The following TNRC18 variants were observed in gnomAD, a reference collection of about 807,000 sequenced individuals.
The protein encoded by TNRC18 is trinucleotide repeat containing 18, also known as trinucleotide repeat-containing gene 18 protein.
In TNRC18, 69 loss-of-function variants were observed where a neutral mutation model predicts 226.7. The observed-to-expected ratio is 0.30, with a 90% CI of 0.25 to 0.37. The LOEUF (loss-of-function observed/expected upper bound fraction) is 0.37. TNRC18 is among the 10% of genes least tolerant of loss of function. The pLI, the probability that TNRC18 is intolerant of heterozygous loss-of-function variation, is 1.00. For missense variants in TNRC18, 4,754 were observed against 4,256.6 expected, an observed-to-expected ratio of 1.12 and a Z score of -3.25; for synonymous variants, 2,449 against 1,927.6, an observed-to-expected ratio of 1.27 and a Z score of -7.09.
rs535243978 is a variant in TNRC18, at chr7:5,390,248, C to G, written c.487+237G>C. Reference sequence around the variant, plus strand: ...GCTGTGGTGGGGTGTGTCTGCAGTCCCAGCTACTTGGGGGGCTGAGTCAGG... The same window carrying G: ...GCTGTGGTGGGGTGTGTCTGCAGTCGCAGCTACTTGGGGGGCTGAGTCAGG... On this transcript the variant is annotated intron_variant, in intron 4 of 29. Transcript: ENST00000430969. The G allele has an allele frequency of 7.0e-4, 388 of 552,384 alleles. 2 individuals are homozygous for G. In the African/African-American group the frequency reaches 7.1e-3, roughly 10 times the overall value. 34.2% of individuals were successfully genotyped at this position (552,384 alleles called of 1,614,324 possible).
Position 5,314,894 on chromosome 7 carries a change from G to A in TNRC18, c.7027+90C>T, listed in dbSNP as rs566320647. The stretch of plus-strand genomic sequence containing the variant: ...GGCTCAGAGTTCTTACAGACAGCAG[G>A]CAGGCACTTCGGCAGGTTCCCAAGC... On this transcript the variant is annotated intron_variant, in intron 26 of 29. Coordinates refer to ENST00000430969, the MANE Select transcript of TNRC18 (RefSeq NM_001080495.3). 269 of 1,374,528 alleles carry A rather than the reference G, an allele frequency of 2.0e-4. 1 individual carries two copies. The Middle Eastern group carries it at 2.4e-3, about 12-fold the overall frequency. The allele number at this position is 1,374,528 out of a possible 1,614,324, so 85.1% of individuals were successfully genotyped here. A position where few individuals can be genotyped will look rare whatever the true frequency, so the allele number is the denominator to read the frequency against.
intron 16 of TNRC18, 66 bp downstream of exon 16, chr7:5,356,850 T>TGGAGAGAAGA: frequency 7.4e-7 from 1 of 1,355,388 alleles, no homozygotes; most frequent in Non-Finnish European, 9.6e-7. Context: ...AGGAGGACGG[T>TGGAGAGAAGA]GGAGAGAAGA....
In TNRC18 at chr7:5,377,337, A is replaced by G; in HGVS notation, c.2461+34T>C. ...ACCCGCCCCCTCCCACCCCTCCCTCAGAGAAGGGGAGAGACCCTGTGCCCC... is the reference window on the plus strand; with the variant it reads ...ACCCGCCCCCTCCCACCCCTCCCTCGGAGAAGGGGAGAGACCCTGTGCCCC... On this transcript the variant is annotated intron_variant, in intron 7 of 29. Coordinates refer to ENST00000430969, the MANE Select transcript of TNRC18 (RefSeq NM_001080495.3). The surrounding 1 kb of genome is among the most constrained non-coding windows in gnomAD (Gnocchi z 5.8). The G allele has an allele frequency of 1.4e-6, 1 of 723,880 alleles. No individual in the cohort carries two copies. The highest frequency in any genetic ancestry group is 2.1e-6 in the Non-Finnish European group (1 of 483,988). 44.8% of individuals were successfully genotyped at this position (723,880 alleles called of 1,614,324 possible). A position where few individuals can be genotyped will look rare whatever the true frequency, so the allele number is the denominator to read the frequency against.
At chr7:5,322,104 C>T (rs142134104) in intron 21 of TNRC18, among the ~76,000 whole-genome samples, 9 of 152,076 alleles carry the variant, frequency 5.9e-5, no homozygotes, top group African/African-American at 1.9e-4. Flanking sequence ...ATGGTGAAAC[C>T]CTGTCTCTAC....
In TNRC18 at chr7:5,361,101, T is replaced by C. The variant is rs182402245; in HGVS notation, c.4661+493A>G. Among the ~76,000 whole-genome samples, 74 of 152,176 alleles carry C rather than the reference T, an allele frequency of 4.9e-4. 2 individuals carry two copies. Among genetic ancestry groups the C allele is most frequent in the African/African-American group, 1.8e-3 (73 of 41,508 alleles). On this transcript the variant is annotated intron_variant, in intron 14 of 29. Coordinates refer to ENST00000430969, the MANE Select transcript of TNRC18 (RefSeq NM_001080495.3). Reference sequence around the variant, plus strand: ...TGGCGTTCAGAAAGACCCACACAGGTGCCCCACAAGGCTGCGACCGCCGCC... The same window carrying C: ...TGGCGTTCAGAAAGACCCACACAGGCGCCCCACAAGGCTGCGACCGCCGCC...
Position 5,388,617 on chromosome 7 carries a change from CG to C in TNRC18, c.1206del (p.Glu403ArgfsTer187). 1 of 1,287,472 alleles carries C rather than the reference CG, an allele frequency of 7.8e-7. No homozygotes were observed. Among genetic ancestry groups the C allele is most frequent in the South Asian group, 1.9e-5 (1 of 51,782 alleles). The allele number at this position is 1,287,472 out of a possible 1,614,324, so 79.8% of individuals were successfully genotyped here. A position where few individuals can be genotyped will look rare whatever the true frequency, so the allele number is the denominator to read the frequency against. On this transcript the variant is annotated frameshift_variant, in exon 5 of 30. Transcript: ENST00000430969. LOFTEE classifies it high-confidence loss of function. Reference protein sequence around the residue: ...SQARDARAREREAGRPGVLQA... With the variant: ...SQARDARAREXEAGRPGVLQA... ...TGCAGGACCCCTGGCCTGCCAGCCTCGCGCTCGCGGGCCCGGGCATCGCGCG... is the reference window on the plus strand; with the variant it reads ...TGCAGGACCCCTGGCCTGCCAGCCTCCGCTCGCGGGCCCGGGCATCGCGCG...
Position 5,387,850 on chromosome 7 carries a change from G to A in TNRC18, c.1974C>T (p.Pro658=), listed in dbSNP as rs768841464. ...GRQLKRDPER[P]ESAKAFGREG... is the part of the protein sequence containing the mutation. ...CGCGCCCGAAAGCTTTGGCGCTCTC[G>A]GGCCTCTCGGGGTCCCGCTTCAGCT... Residue 658 remains proline, a synonymous_variant, in exon 5 of 30, where the codon CCC becomes CCT. Coordinates refer to ENST00000430969, the MANE Select transcript of TNRC18 (RefSeq NM_001080495.3). 86 of 1,601,078 alleles carry A rather than the reference G, an allele frequency of 5.4e-5. No homozygotes were observed. Among genetic ancestry groups the A allele is most frequent in the Non-Finnish European group, 6.4e-5 (75 of 1,176,974 alleles).
intron 15 of TNRC18, among the ~76,000 whole-genome samples, chr7:5,358,827 CAAA>C (rs879538563): frequency 6.8e-6 from 1 of 147,738 alleles, no homozygotes; most frequent in Non-Finnish European, 1.5e-5. Flanking sequence ...AACAAACAAA[CAAA>C]AAAAAACTAC....
intron 5 of TNRC18, among the ~76,000 whole-genome samples, chr7:5,379,779 C>T (rs747297320): frequency 2.6e-5 from 4 of 152,250 alleles, no homozygotes; most frequent in African/African-American, 4.8e-5. Flanking sequence ...AAAACCTGCC[C>T]GTCGGCTCCC....
At chr7:5,379,069 C>T (rs987687450) in intron 5 of TNRC18, among the ~76,000 whole-genome samples, 4 of 152,002 alleles carry the variant, frequency 2.6e-5, no homozygotes, top group South Asian at 2.1e-4. Context: ...TGGTGGTGCG[C>T]ACCTGTGATC....
At chr7:5,352,480 A>G (rs928074426) in intron 16 of TNRC18, among the ~76,000 whole-genome samples, 1 of 152,218 alleles carries the variant, frequency 6.6e-6, no homozygotes, top group Non-Finnish European at 1.5e-5. Context: ...CAAGGGTGAC[A>G]ACCGCAGAGG....
intron 21 of TNRC18, among the ~76,000 whole-genome samples, chr7:5,322,812 G>A (rs540773579): frequency 4.0e-4 from 61 of 152,332 alleles, no homozygotes; most frequent in African/African-American, 1.4e-3. Context: ...GGAGAGGGAT[G>A]GGTGGGACGG....
At chr7:5,348,632 A>C (rs1376461342) in intron 17 of TNRC18, among the ~76,000 whole-genome samples, 3 of 133,808 alleles carry the variant, frequency 2.2e-5, no homozygotes, top group Non-Finnish European at 4.8e-5. Flanking sequence ...GAGTCTGAGG[A>C]GTCCGCAGAG....
At chr7:5,367,858 A>C (rs1336987463) in intron 11 of TNRC18, among the ~76,000 whole-genome samples, 1 of 152,116 alleles carries the variant, frequency 6.6e-6, no homozygotes, top group African/African-American at 2.4e-5. Flanking sequence ...CGTTGCTCAC[A>C]CAGGCCAATG....
At chr7:5,354,241 T>A (rs1792120645) in intron 16 of TNRC18, among the ~76,000 whole-genome samples, 1 of 151,838 alleles carries the variant, frequency 6.6e-6, no homozygotes, top group African/African-American at 2.4e-5. Context: ...AATAAATAAA[T>A]AAAACGGACA....
intron 11 of TNRC18, among the ~76,000 whole-genome samples, chr7:5,364,679 C>T (rs1195058109): frequency 1.3e-5 from 2 of 151,896 alleles, no homozygotes. Flanking sequence ...TGGTGACCAC[C>T]TGTAATCCCA....
intron 2 of TNRC18, among the ~76,000 whole-genome samples, chr7:5,409,004 C>T (rs1396109354): frequency 6.6e-6 from 1 of 152,104 alleles, no homozygotes; most frequent in African/African-American, 2.4e-5. Context: ...GGGACAGGAA[C>T]AGCCTGGCTT....
At chr7:5,323,955 G>A (rs1256210302) in intron 21 of TNRC18, among the ~76,000 whole-genome samples, 2 of 152,154 alleles carry the variant, frequency 1.3e-5, no homozygotes, top group African/African-American at 2.4e-5. Context: ...GGGCCAACAC[G>A]GAACTCCTTC....
chr7:5,321,108 G>A lies in TNRC18; in HGVS notation c.6525C>T (p.Tyr2175=), dbSNP rs376820624. ...VLIPMDDKLL[Y]AGHVQTVHSP... ...AGTGCACGGTCTGCACGTGCCCGGC[G>A]TACAGCAGCTTGTCATCCATGGGGA... Residue 2175 remains tyrosine, a synonymous_variant, in exon 22 of 30, where the codon TAC becomes TAT. Transcript: ENST00000430969. 3.8e-4 allele frequency: 594 copies of A among 1,554,654 alleles called. 3 individuals are homozygous for A. The highest frequency in any genetic ancestry group is 2.2e-4 in the Middle Eastern group (1 of 4,578).
Sources: allele counts gnomAD v4.1 joint callset (sites outside exome capture counted in the v4.1 genomes callset), GRCh38; gene constraint gnomAD v4.1.1; non-coding constraint Gnocchi (gnomAD v3.1); transcripts MANE v1.5; gene names NCBI Gene and HGNC (gene_info 2026-07-23, HGNC 2026-07-21).